Variants in CD44 observed in about 807,000 individuals in gnomAD.
CD44 encodes the protein CD44 molecule (IN blood group).
In CD44, 49 loss-of-function variants were observed where a neutral mutation model predicts 88.8. That is an observed-to-expected ratio of 0.55 (90% CI 0.44 to 0.70). CD44 has a LOEUF of 0.70. Ranked by LOEUF, CD44 falls within the 30% of genes least tolerant of loss-of-function variation. The pLI is 0.00. For synonymous variants in CD44, 325 were observed against 312.3 expected (o/e 1.04, Z -0.43); for missense variants, 883 against 913.8 (o/e 0.97, Z 0.43).
intron 9 of CD44, among the ~76,000 whole-genome samples, chr11:35,203,784 C>T (rs988865140): frequency 1.3e-5 from 2 of 151,618 alleles, no homozygotes; most frequent in African/African-American, 2.4e-5. Context: ...CTGAAGACAC[C>T]TTGATGGAAT....
intron 9 of CD44, among the ~76,000 whole-genome samples, chr11:35,202,805 T>C (rs979579917): frequency 2.0e-5 from 3 of 152,180 alleles, no homozygotes; most frequent in Non-Finnish European, 2.9e-5. Context: ...TACATACGGC[T>C]TAGGGGTTAA....
At chr11:35,201,920 T>A in intron 9 of CD44, 133 bp downstream of exon 9, 1 of 984,064 alleles carries the variant, frequency 1.0e-6, no homozygotes, top group Non-Finnish European at 1.5e-6. Context: ...TCTTAGAGCC[T>A]GAAAAGCTGC....
intron 12 of CD44, among the ~76,000 whole-genome samples, chr11:35,209,693 C>T (rs1295473018): frequency 6.6e-6 from 1 of 152,082 alleles, no homozygotes; most frequent in Non-Finnish European, 1.5e-5. Flanking sequence ...CTGGACAATC[C>T]AGGATAGGCA....
At position 35,180,292 on chromosome 11, in the gene CD44, G is replaced by A; in HGVS notation, c.252G>A (p.Gly84=). The A allele has an allele frequency of 6.2e-7, 1 of 1,614,076 alleles. No individual in the cohort carries two copies. Among genetic ancestry groups the A allele is most frequent in the Non-Finnish European group, 8.5e-7 (1 of 1,179,960 alleles). Residue 84 remains glycine, a synonymous_variant, in exon 3 of 18, where the codon GGG becomes GGA. Coordinates refer to ENST00000428726, the MANE Select transcript of CD44 (RefSeq NM_000610.4). ...FETCRYGFIE[G]HVVIPRIHPN... is the part of the protein sequence containing the mutation. ...CTTACAGGTATGGGTTCATAGAAGG[G>A]CACGTGGTGATTCCCCGGATCCACC...
rs189331995 is a variant in CD44, at chr11:35,202,926, T to C, written c.1153+1139T>C. On this transcript the variant is annotated intron_variant, in intron 9 of 17. Transcript: ENST00000428726. ...CCCTAACAGTATACCTTAGAAATTA[T>C]TTTAGACAGTTTGTACTTAAAGACC... 3.3e-5 allele frequency among the ~76,000 whole-genome samples: 5 copies of C among 152,314 alleles called. No homozygotes were observed. In the East Asian group the frequency reaches 7.7e-4, roughly 23 times the overall value.
rs541042068 is a variant in CD44, at chr11:35,181,743, C to T, written c.367+1336C>T. 8.2e-3 allele frequency among the ~76,000 whole-genome samples: 902 copies of T among 110,240 alleles called. 7 individuals carry two copies. Among genetic ancestry groups the T allele is most frequent in the African/African-American group, 0.028 (770 of 27,962 alleles). 72.3% of individuals were successfully genotyped at this position (110,240 alleles called of 152,430 possible). On this transcript the variant is annotated intron_variant, in intron 3 of 17. Coordinates refer to ENST00000428726, the MANE Select transcript of CD44 (RefSeq NM_000610.4). ...TTATTTATATTTATATATTTATATT[C>T]ATTTATATAAATTTATATTTATATA... is the stretch of plus-strand genomic sequence containing the variant.
At chr11:35,199,931 G>GTTTTTTT (rs1565118834) in intron 7 of CD44, among the ~76,000 whole-genome samples, 2 of 36,164 alleles carry the variant, frequency 5.5e-5, no homozygotes, top group African/African-American at 1.5e-4. Flanking sequence ...TTCCCATGGT[G>GTTTTTTT]TTGTTTTTTT....
rs371286825 is a variant in CD44 at position 35,219,371 on chromosome 11, G to A, written c.1929G>A (p.Arg643=). The A allele has an allele frequency of 1.9e-6, 3 of 1,613,452 alleles. No individual in the cohort carries two copies. The highest frequency in any genetic ancestry group is 2.5e-6 in the Non-Finnish European group (3 of 1,179,580). Residue 643 remains arginine, a synonymous_variant, in exon 16 of 18, where the codon AGG becomes AGA. Transcript: ENST00000428726. ...GGANTTSGPI[R]TPQIPEWLII... is the part of the protein sequence containing the mutation. ...CAAACACAACCTCTGGTCCTATAAG[G>A]ACACCCCAAATTCCAGGTGAGTTTC...
chr11:35,183,066 T>C (rs1019538706), intron 3 of CD44, among the ~76,000 whole-genome samples: 2 of 152,168 alleles, frequency 1.3e-5, no homozygotes, highest in African/African-American at 4.8e-5. Flanking sequence ...GTTAGTTCAG[T>C]TGAAAAGCTT....
rs559828877 is a variant in CD44 at position 35,208,213 on chromosome 11, A to G, written c.1516+7A>G. ...CCTCTTTCAATGACAACGCGTAAGAATAACGATGCTCAGCCACTTTATTGA... is the reference window on the plus strand; with the variant it reads ...CCTCTTTCAATGACAACGCGTAAGAGTAACGATGCTCAGCCACTTTATTGA... On this transcript the variant is annotated splice_region_variant and intron_variant, in intron 12 of 17. Coordinates refer to ENST00000428726, the MANE Select transcript of CD44 (RefSeq NM_000610.4). The G allele has an allele frequency of 9.5e-6, 15 of 1,571,706 alleles. No individual in the cohort carries two copies. The highest frequency in any genetic ancestry group is 1.1e-5 in the Non-Finnish European group (12 of 1,141,454).
intron 17 of CD44, among the ~76,000 whole-genome samples, 193 bp downstream of exon 17, chr11:35,221,925 G>A (rs1208312408): frequency 2.6e-4 from 39 of 152,184 alleles, no homozygotes; most frequent in Non-Finnish European, 2.9e-5. Context: ...AGTTTCCAGG[G>A]ATTCATGTGC....
Position 35,219,362 on chromosome 11 carries a change from T to A in CD44, c.1920T>A (p.Gly640=). ...SQEGGANTTS[G]PIRTPQIPEW... is the part of the protein sequence containing the mutation. ...AAGGTGGAGCAAACACAACCTCTGG[T>A]CCTATAAGGACACCCCAAATTCCAG... The change falls in exon 16 of 18, where the codon GGT becomes GGA. Residue 640 remains glycine (G), a synonymous_variant. Coordinates refer to ENST00000428726, the MANE Select transcript of CD44 (RefSeq NM_000610.4). 1 of 1,613,754 alleles carries A rather than the reference T, an allele frequency of 6.2e-7. No individual in the cohort carries two copies. The highest frequency in any genetic ancestry group is 8.5e-7 in the Non-Finnish European group (1 of 1,179,812).
intron 15 of CD44, among the ~76,000 whole-genome samples, chr11:35,218,130 G>A (rs967192777): frequency 2.6e-5 from 4 of 151,866 alleles, no homozygotes; most frequent in Admixed American, 6.6e-5. Flanking sequence ...CCCTCATTTC[G>A]ATAGGCCTCC....
rs1171550505 is a variant in CD44 at position 35,180,274 on chromosome 11, G to A, written c.234G>A (p.Arg78=). Residue 78 remains arginine (R), a splice_region_variant and synonymous_variant, in exon 3 of 18, where the codon AGG becomes AGA. Coordinates refer to ENST00000428726, the MANE Select transcript of CD44 (RefSeq NM_000610.4). The stretch of plus-strand genomic sequence containing the variant: ...ATATCCTGTTGTTTTTCTCTTACAG[G>A]TATGGGTTCATAGAAGGGCACGTGG... ...KALSIGFETC[R]YGFIEGHVVI... 6.2e-7 allele frequency: 1 copy of A among 1,613,842 alleles called. No individual in the cohort carries two copies. The highest frequency in any genetic ancestry group is 2.2e-5 in the East Asian group (1 of 44,888).
chr11:35,147,807 G>A lies in CD44; in HGVS notation c.67+8437G>A, dbSNP rs141879521. 2.6e-5 allele frequency among the ~76,000 whole-genome samples: 4 copies of A among 152,052 alleles called. No individual in the cohort carries two copies. The East Asian group carries it at 5.8e-4, about 22-fold the overall frequency. ...ATGCACATTAAGATGCCAGGGAGAG[G>A]GCTGGGAAAGGTGGCTCACACCTGT... On this transcript the variant is annotated intron_variant, in intron 1 of 17. Transcript: ENST00000428726.
intron 1 of CD44, among the ~76,000 whole-genome samples, chr11:35,173,132 C>A (rs774461511): frequency 1.3e-5 from 2 of 152,228 alleles, no homozygotes; most frequent in African/African-American, 2.4e-5. Flanking sequence ...TACCATTGAG[C>A]TCCAATTATT....
chr11:35,150,134 A>G lies in CD44; in HGVS notation c.67+10764A>G, dbSNP rs1047728467. ...GAAGAAGAGAAAAATTGTTCCCTTC[A>G]CTCTCAGAGCTTCATGAGCACCTTG... On this transcript the variant is annotated intron_variant, in intron 1 of 17. Transcript: ENST00000428726. 1.3e-5 allele frequency among the ~76,000 whole-genome samples: 2 copies of G among 152,166 alleles called. 1 individual carries two copies.
intron 1 of CD44, among the ~76,000 whole-genome samples, chr11:35,154,069 AC>A (rs1427769668): frequency 6.6e-6 from 1 of 152,244 alleles, no homozygotes; most frequent in Non-Finnish European, 1.5e-5. Flanking sequence ...GAGAAGGGAA[AC>A]AAAAATTCTG....
At chr11:35,154,571 T>TA (rs1236675773) in intron 1 of CD44, among the ~76,000 whole-genome samples, 3 of 152,238 alleles carry the variant, frequency 2.0e-5, no homozygotes, top group African/African-American at 7.2e-5. Flanking sequence ...TGCTTGGTTG[T>TA]AAACAACTAT....
Sources: gnomAD v4.1 joint callset for allele counts (sites outside exome capture counted in the v4.1 genomes callset) on GRCh38, gnomAD v4.1.1 for gene constraint, MANE v1.5 for transcripts, NCBI Gene and HGNC (gene_info 2026-07-23, HGNC 2026-07-21) for gene names.